DLAT: variants seen among roughly 807,000 people sequenced by gnomAD.
DLAT encodes the protein dihydrolipoamide S-acetyltransferase.
In DLAT, 43 loss-of-function variants were observed where a neutral mutation model predicts 68.0. The ratio of observed to expected loss-of-function variants is 0.63; its 90% CI spans 0.50 to 0.81. The LOEUF (loss-of-function observed/expected upper bound fraction) is 0.81. DLAT is among the 40% of genes least tolerant of loss of function. The probability of loss-of-function intolerance (pLI) is 0.00; values close to 1 mark genes in which losing one functional copy is unlikely to be tolerated. For synonymous variants in DLAT, 265 were observed against 288.6 expected (o/e 0.92, Z 0.83); for missense variants, 745 against 815.4 (o/e 0.91, Z 1.05).
At position 112,062,764 on chromosome 11, in the gene DLAT, C is replaced by G. The variant is rs1864715718; in HGVS notation, c.*229C>G. 2 of 496,770 alleles carry G rather than the reference C, an allele frequency of 4.0e-6. No individual in the cohort carries two copies. The highest frequency in any genetic ancestry group is 7.2e-6 in the Non-Finnish European group (2 of 276,870). The allele number at this position is 496,770 out of a possible 1,614,324, so 30.8% of individuals were successfully genotyped here. ...ACACCAGATTTTTAGCTCTGTACTCCTAATTAAGGGACATGTATGTGGCCT... is the reference window on the plus strand; with the variant it reads ...ACACCAGATTTTTAGCTCTGTACTCGTAATTAAGGGACATGTATGTGGCCT... On this transcript the variant is annotated 3_prime_UTR_variant, in exon 14 of 14. Transcript: ENST00000280346.
rs782229229 is a variant in DLAT, at chr11:112,043,519, A to G, written c.1183A>G (p.Ser395Gly). 3 of 1,614,178 alleles carry G rather than the reference A, an allele frequency of 1.9e-6. No individual in the cohort carries two copies. Among genetic ancestry groups the G allele is most frequent in the Non-Finnish European group, 1.7e-6 (2 of 1,180,008 alleles). ...GAAGGATATCGACTCTTTTGTGCCT[A>G]GTAAAGTTGCTCCTGTGAGTTATGT... is the stretch of plus-strand genomic sequence containing the variant. ...TKKDIDSFVP[S>G]KVAPAPAAVV... Residue 395 changes from serine (S) to glycine (G), a missense_variant, in exon 8 of 14, where the codon AGT (serine) becomes GGT (glycine). Transcript: ENST00000280346.
At chr11:112,037,068 C>A (rs1486145534) in intron 5 of DLAT, among the ~76,000 whole-genome samples, 1 of 152,072 alleles carries the variant, frequency 6.6e-6, no homozygotes, top group Non-Finnish European at 1.5e-5. Flanking sequence ...TGTATAACAT[C>A]CCAGTACCAA....
intron 5 of DLAT, 48 bp from the exon 6 acceptor site, chr11:112,037,225 G>A: frequency 6.5e-7 from 1 of 1,543,432 alleles, no homozygotes; most frequent in Non-Finnish European, 9.0e-7. Context: ...AGTTTGGAGG[G>A]ATAGTGGAAT....
Position 112,064,000 on chromosome 11 carries a change from T to C in DLAT, c.*1465T>C. On this transcript the variant is annotated 3_prime_UTR_variant, in exon 14 of 14. Coordinates refer to ENST00000280346, the MANE Select transcript of DLAT (RefSeq NM_001931.5). ...TATTCATTATTACATGGTACACAAG[T>C]GACACTCCATATATTCCACACAGAC... is the stretch of plus-strand genomic sequence containing the variant. 3 of 598,634 alleles carry C rather than the reference T, an allele frequency of 5.0e-6. No homozygotes were observed. The highest frequency in any genetic ancestry group is 2.5e-5 in the South Asian group (1 of 39,422). 37.1% of individuals were successfully genotyped at this position (598,634 alleles called of 1,614,324 possible). A position where few individuals can be genotyped will look rare whatever the true frequency, so the allele number is the denominator to read the frequency against.
chr11:112,037,437 G>A lies in DLAT; in HGVS notation c.952G>A (p.Val318Met), dbSNP rs1862831927. The change falls in exon 6 of 14, where the codon GTG becomes ATG. Residue 318 changes from valine (V) to methionine (M), a missense_variant. Val to Met is a conservative substitution (Grantham distance 21). Coordinates refer to ENST00000280346, the MANE Select transcript of DLAT (RefSeq NM_001931.5). Reference sequence around the variant, plus strand: ...CGAAGTAACAGATTTAAAACCACAAGTGCCACCACCTACCCCACCCCCGGT... The same window carrying A: ...CGAAGTAACAGATTTAAAACCACAAATGCCACCACCTACCCCACCCCCGGT... ...PTEVTDLKPQVPPPTPPPVAA... is the reference protein window; with the variant it reads ...PTEVTDLKPQMPPPTPPPVAA... 1.2e-6 allele frequency: 2 copies of A among 1,614,000 alleles called. No individual in the cohort carries two copies. Among genetic ancestry groups the A allele is most frequent in the South Asian group, 2.2e-5 (2 of 91,088 alleles).
rs1358483207 is a variant in DLAT at position 112,027,059 on chromosome 11, C to A, written c.381+760C>A. On this transcript the variant is annotated intron_variant, in intron 2 of 13. Transcript: ENST00000280346. Reference sequence around the variant, plus strand: ...CGGGGGCTGACCCCCACCTCCCTCCCGGACGGGGTGGCTGCCGGGCGGAGA... The same window carrying A: ...CGGGGGCTGACCCCCACCTCCCTCCAGGACGGGGTGGCTGCCGGGCGGAGA... Among the ~76,000 whole-genome samples the A allele has an allele frequency of 4.0e-5, 6 of 151,574 alleles. 1 individual carries two copies. The highest frequency in any genetic ancestry group is 1.3e-4 in the Admixed American group (2 of 15,254).
intron 10 of DLAT, among the ~76,000 whole-genome samples, chr11:112,049,284 A>G (rs1033765149): frequency 7.2e-5 from 11 of 152,162 alleles, no homozygotes; most frequent in Admixed American, 3.3e-4. Flanking sequence ...TGACATTTTG[A>G]TAAGGATTGA....
At chr11:112,027,715 C>T (rs1555179501) in intron 2 of DLAT, among the ~76,000 whole-genome samples, 1 of 152,226 alleles carries the variant, frequency 6.6e-6, no homozygotes, top group South Asian at 2.1e-4. Flanking sequence ...CCGGCCAACA[C>T]AGCGAAACCC....
In DLAT at chr11:112,062,656, T is replaced by C; in HGVS notation, c.*121T>C. The C allele has an allele frequency of 1.7e-6, 2 of 1,182,340 alleles. No individual in the cohort carries two copies. The allele number at this position is 1,182,340 out of a possible 1,614,324, so 73.2% of individuals were successfully genotyped here. On this transcript the variant is annotated 3_prime_UTR_variant, in exon 14 of 14. Transcript: ENST00000280346. ...CCAGTTATTTTTATTATTGAGTCTG[T>C]CCAGATAAGTTATTTATAATGGGCA...
chr11:112,063,444 A>C lies in DLAT; in HGVS notation c.*909A>C, dbSNP rs782786631. 3.9e-5 allele frequency: 6 copies of C among 152,638 alleles called. No homozygotes were observed. Among genetic ancestry groups the C allele is most frequent in the Admixed American group, 6.5e-5 (1 of 15,280 alleles). The allele number at this position is 152,638 out of a possible 1,614,324, so 9.5% of individuals were successfully genotyped here. A position where few individuals can be genotyped will look rare whatever the true frequency, so the allele number is the denominator to read the frequency against. On this transcript the variant is annotated 3_prime_UTR_variant, in exon 14 of 14. Coordinates refer to ENST00000280346, the MANE Select transcript of DLAT (RefSeq NM_001931.5). ...TAAGGAATATATATGGAATAAGTGTACATATGTAAAATATTGTTACTAGAG... is the reference window on the plus strand; with the variant it reads ...TAAGGAATATATATGGAATAAGTGTCCATATGTAAAATATTGTTACTAGAG...
At position 112,064,197 on chromosome 11, in the gene DLAT, C is replaced by T; in HGVS notation, c.*1662C>T. On this transcript the variant is annotated 3_prime_UTR_variant, in exon 14 of 14. Transcript: ENST00000280346. ...AACTTCAAAGATAATTCATCTTTCG[C>T]TAATGCTTGTGGTTCTGTTGTTCCC... is the stretch of plus-strand genomic sequence containing the variant. 1.3e-6 allele frequency: 2 copies of T among 1,570,930 alleles called. No homozygotes were observed. Among genetic ancestry groups the T allele is most frequent in the East Asian group, 2.3e-5 (1 of 43,684 alleles).
At chr11:112,035,775 A>G (rs1555180372) in intron 5 of DLAT, among the ~76,000 whole-genome samples, 1 of 131,118 alleles carries the variant, frequency 7.6e-6, no homozygotes, top group African/African-American at 3.0e-5. Context: ...GGCGTGAGCC[A>G]CCACCGCACC....
Position 112,045,914 on chromosome 11 carries a change from C to A in DLAT, c.1342C>A (p.Leu448Ile). The A allele has an allele frequency of 1.2e-6, 2 of 1,612,326 alleles. No individual in the cohort carries two copies. Among genetic ancestry groups the A allele is most frequent in the South Asian group, 2.2e-5 (2 of 91,012 alleles). The change falls in exon 10 of 14, where the codon CTT becomes ATT. Residue 448 changes from leucine (L) to isoleucine (I), a missense_variant. By Grantham distance (5) the Leu-to-Ile change is conservative. Transcript: ENST00000280346. ...AAAGCAAACCATACCTCATTATTAC[C>A]TTTCTATCGATGTAAATATGGGAGA... ...QSKQTIPHYYLSIDVNMGEVL... is the reference protein window; with the variant it reads ...QSKQTIPHYYISIDVNMGEVL...
rs143107853 is a variant in DLAT, at chr11:112,028,855, A to G, written c.570A>G (p.Gln190=). 3,855 of 1,614,178 alleles carry G rather than the reference A, an allele frequency of 2.4e-3. 6 individuals carry two copies. The highest frequency in any genetic ancestry group is 2.8e-3 in the Non-Finnish European group (3,306 of 1,180,036). ...TLDSSAAPTP[Q]AAPAPTPAAT... is the part of the protein sequence containing the mutation. ...ATTCCTCAGCAGCACCTACCCCACAAGCGGCCCCAGCACCAACCCCTGCTG... is the reference window on the plus strand; with the variant it reads ...ATTCCTCAGCAGCACCTACCCCACAGGCGGCCCCAGCACCAACCCCTGCTG... The change falls in exon 4 of 14, where the codon CAA becomes CAG. Residue 190 remains glutamine, a synonymous_variant. Coordinates refer to ENST00000280346, the MANE Select transcript of DLAT (RefSeq NM_001931.5).
intron 6 of DLAT, among the ~76,000 whole-genome samples, chr11:112,038,179 A>G (rs907347430): frequency 1.3e-5 from 2 of 151,854 alleles, no homozygotes; most frequent in African/African-American, 2.4e-5. Context: ...GAAGCTGGCA[A>G]GTAGCATTGT....
chr11:112,053,601 C>T (rs1029096588), intron 11 of DLAT, among the ~76,000 whole-genome samples: 8 of 151,976 alleles, frequency 5.3e-5, no homozygotes, highest in Non-Finnish European at 8.8e-5. Flanking sequence ...TACAGGCATG[C>T]GCCACCACTC....
At chr11:112,060,130 A>G (rs1302738946) in intron 12 of DLAT, 65 bp downstream of exon 12, 82 of 1,228,618 alleles carry the variant, frequency 6.7e-5, no homozygotes, top group Non-Finnish European at 7.5e-5. Context: ...CATTTATTGC[A>G]TTTTTCACCT....
At chr11:112,032,011 GCTGGGA>G (rs1219214355) in intron 4 of DLAT, among the ~76,000 whole-genome samples, 1 of 148,732 alleles carries the variant, frequency 6.7e-6, no homozygotes, top group Non-Finnish European at 1.5e-5. Flanking sequence ...CTCCTGAGTA[GCTGGGA>G]CTACAGGTGG....
At position 112,051,136 on chromosome 11, in the gene DLAT, T is replaced by A. The variant is rs1229093300; in HGVS notation, c.1399-98T>A. 1.2e-6 allele frequency: 1 copy of A among 803,224 alleles called. No homozygotes were observed. The highest frequency in any genetic ancestry group is 1.7e-5 in the African/African-American group (1 of 57,406). 49.8% of individuals were successfully genotyped at this position (803,224 alleles called of 1,614,324 possible). A position where few individuals can be genotyped will look rare whatever the true frequency, so the allele number is the denominator to read the frequency against. ...CAAACCACCATGGCACATGTTTACC[T>A]ATATAATAAACCTGGACATTCTGCA... is the stretch of plus-strand genomic sequence containing the variant. On this transcript the variant is annotated intron_variant, in intron 10 of 13. Transcript: ENST00000280346. The surrounding 1 kb of genome is among the most constrained non-coding windows in gnomAD (Gnocchi z 4.3).
Sources: gnomAD v4.1 joint callset for allele counts (sites outside exome capture counted in the v4.1 genomes callset) on GRCh38, gnomAD v4.1.1 for gene constraint, Gnocchi (gnomAD v3.1) non-coding constraint, MANE v1.5 for transcripts, NCBI Gene and HGNC (gene_info 2026-07-23, HGNC 2026-07-21) for gene names.